The following QSER1 variants were observed in gnomAD, a reference collection of about 807,000 sequenced individuals.
QSER1 encodes the protein glutamine and serine rich 1, also known as glutamine and serine-rich protein 1.
In QSER1, 49 loss-of-function variants were observed where a neutral mutation model predicts 158.5. That is an observed-to-expected ratio of 0.31 (90% CI 0.25 to 0.39). The LOEUF (loss-of-function observed/expected upper bound fraction) is 0.39. QSER1 is among the 10% of genes least tolerant of loss of function. The pLI is 1.00. For missense variants in QSER1, 1,754 were observed against 2,010.3 expected (o/e 0.87, Z 2.44); for synonymous variants, 650 against 715.5 (o/e 0.91, Z 1.46).
At chr11:32,973,893 A>C (rs1382575472) in intron 11 of QSER1, among the ~76,000 whole-genome samples, 1 of 152,200 alleles carries the variant, frequency 6.6e-6, no homozygotes, top group Non-Finnish European at 1.5e-5. Context: ...TACATTGTGA[A>C]ATGGCTAATT....
At chr11:32,943,496 T>A (rs1006483961) in intron 4 of QSER1, among the ~76,000 whole-genome samples, 1 of 151,566 alleles carries the variant, frequency 6.6e-6, no homozygotes, top group Admixed American at 6.6e-5. Context: ...GATAATCATG[T>A]GGTTTTTGTC....
chr11:32,902,760 A>C (rs1202732676), intron 1 of QSER1, among the ~76,000 whole-genome samples: 1 of 152,190 alleles, frequency 6.6e-6, no homozygotes, highest in East Asian at 1.9e-4. Context: ...TGTCTATTAC[A>C]TGCCTACTAT....
intron 3 of QSER1, among the ~76,000 whole-genome samples, chr11:32,930,540 A>G (rs1232900163): frequency 6.6e-6 from 1 of 152,196 alleles, no homozygotes; most frequent in Non-Finnish European, 1.5e-5. Context: ...GTAAAAAGGT[A>G]TATAAAGTGG....
chr11:32,966,588 G>T (rs1463679678), intron 9 of QSER1, 151 bp downstream of exon 9: 1 of 651,038 alleles, frequency 1.5e-6, no homozygotes, highest in East Asian at 3.3e-5. Context: ...CCATAAAATG[G>T]TCATATCTTT....
chr11:32,898,812 A>T (rs1341172148), intron 1 of QSER1, among the ~76,000 whole-genome samples: 1 of 152,200 alleles, frequency 6.6e-6, no homozygotes. Context: ...GGCCTCAAGC[A>T]GTCTTCCTGC....
intron 1 of QSER1, among the ~76,000 whole-genome samples, chr11:32,898,009 G>A (rs1456977803): frequency 6.6e-6 from 1 of 152,140 alleles, no homozygotes; most frequent in Non-Finnish European, 1.5e-5. Flanking sequence ...TTTTCACTTG[G>A]ACAACTGTGG....
intron 12 of QSER1, chr11:32,975,666 A>AATTC: frequency 8.6e-7 from 1 of 1,167,780 alleles, no homozygotes; most frequent in Non-Finnish European, 1.1e-6. Context: ...ATCTTGCTTT[A>AATTC]ATTCACTTCA....
intron 4 of QSER1, among the ~76,000 whole-genome samples, chr11:32,940,248 A>T (rs761682492): frequency 1.4e-4 from 21 of 152,186 alleles, no homozygotes; most frequent in Non-Finnish European, 2.5e-4. Flanking sequence ...CCTTACTGTT[A>T]GCCTTGCACA....
chr11:32,957,592 C>G (rs1419545947), intron 7 of QSER1, among the ~76,000 whole-genome samples: 1 of 152,018 alleles, frequency 6.6e-6, no homozygotes, highest in Non-Finnish European at 1.5e-5. Context: ...GGAAATAAGT[C>G]CATAAATCAA....
At chr11:32,964,809 A>G (rs893027525) in intron 8 of QSER1, among the ~76,000 whole-genome samples, 3 of 149,766 alleles carry the variant, frequency 2.0e-5, no homozygotes, top group African/African-American at 7.4e-5. Context: ...CACACTATAT[A>G]CCCACAACAT....
intron 4 of QSER1, among the ~76,000 whole-genome samples, chr11:32,950,035 T>C (rs564136365): frequency 6.6e-6 from 1 of 152,324 alleles, no homozygotes; most frequent in Non-Finnish European, 1.5e-5. Context: ...CATTTTAGCC[T>C]ATGGTCAAAC....
chr11:32,925,684 C>T (rs1028882784), intron 1 of QSER1, among the ~76,000 whole-genome samples: 9 of 151,830 alleles, frequency 5.9e-5, no homozygotes, highest in Admixed American at 3.9e-4. Context: ...TATGCCACCA[C>T]GCCCAGCTAA....
intron 1 of QSER1, among the ~76,000 whole-genome samples, chr11:32,915,923 T>G (rs561949450): frequency 2.7e-5 from 4 of 150,228 alleles, no homozygotes; most frequent in Non-Finnish European, 3.0e-5. Context: ...ATAATTTTGT[T>G]TTTTTTTTTT....
chr11:32,931,765 T>C lies in QSER1; in HGVS notation c.507T>C (p.Thr169=). The C allele has an allele frequency of 6.2e-7, 1 of 1,605,260 alleles. No individual in the cohort carries two copies. The highest frequency in any genetic ancestry group is 8.5e-7 in the Non-Finnish European group (1 of 1,176,074). The change falls in exon 4 of 13, where the codon ACT becomes ACC. Residue 169 remains threonine, a synonymous_variant. Coordinates refer to ENST00000650167, the MANE Select transcript of QSER1 (RefSeq NM_001076786.3). ...TAGGCATGCATTCCTCAGCAGCAAC[T>C]GAGCTGTTTGCTACTGGACCTTTGC... ...WQTGMHSSAA[T]ELFATGPLPS...
chr11:32,939,420 AT>A (rs149497772), intron 4 of QSER1, among the ~76,000 whole-genome samples: 11 of 151,340 alleles, frequency 7.3e-5, no homozygotes, highest in African/African-American at 2.2e-4. Flanking sequence ...TTGGGTTTTA[AT>A]TTTTTTTTAA....
At chr11:32,963,878 G>A (rs1197406253) in intron 8 of QSER1, among the ~76,000 whole-genome samples, 2 of 152,066 alleles carry the variant, frequency 1.3e-5, no homozygotes, top group Non-Finnish European at 2.9e-5. Context: ...TGTTGCCCAA[G>A]CTAGTTTTAA....
chr11:32,921,457 C>A (rs1240055325), intron 1 of QSER1, among the ~76,000 whole-genome samples: 1 of 152,140 alleles, frequency 6.6e-6, no homozygotes, highest in East Asian at 1.9e-4. Flanking sequence ...ATTCTAAAAA[C>A]CACTGATTAG....
intron 10 of QSER1, among the ~76,000 whole-genome samples, chr11:32,971,013 C>T (rs1276820831): frequency 3.5e-5 from 4 of 115,132 alleles, no homozygotes; most frequent in African/African-American, 6.6e-5. Flanking sequence ...AGTGCAGTGG[C>T]GCGATCTCCG....
intron 4 of QSER1, among the ~76,000 whole-genome samples, chr11:32,936,153 A>C (rs972475217): frequency 6.6e-6 from 1 of 151,926 alleles, no homozygotes; most frequent in Non-Finnish European, 1.5e-5. Context: ...TCGTTATTTA[A>C]CATTAGGTAT....
Sources: gnomAD v4.1 joint callset for allele counts (sites outside exome capture counted in the v4.1 genomes callset) on GRCh38, gnomAD v4.1.1 for gene constraint, MANE v1.5 for transcripts, NCBI Gene and HGNC (gene_info 2026-07-23, HGNC 2026-07-21) for gene names.